Variants in ORC4 observed in about 807,000 individuals in gnomAD.
The protein encoded by ORC4 is origin recognition complex, subunit 4 homolog.
Under a neutral mutation model 63.9 loss-of-function variants are expected in ORC4, and 55 were observed. That is an observed-to-expected ratio of 0.86 (90% CI 0.69 to 1.08). The LOEUF (loss-of-function observed/expected upper bound fraction) is 1.08, where lower values mean the gene tolerates loss of function less well. Among genes scored for constraint, ORC4 ranks in the 50% least tolerant of loss-of-function variants. ORC4 has a pLI of 0.00. For missense variants in ORC4, 511 were observed against 504.4 expected (o/e 1.01, Z -0.13); for synonymous variants, 150 against 168.5 (o/e 0.89, Z 0.85).
rs1687923884 is a variant in ORC4 at position 147,934,206 on chromosome 2, TTAAA to T, written c.*1300_*1303del. ...CTACATCTCACAGGGCCTCTAATAGTTAAATAGATTGTAAGCTGCACAAGCATAG... is the reference window on the plus strand; with the variant it reads ...CTACATCTCACAGGGCCTCTAATAGTTAGATTGTAAGCTGCACAAGCATAG... On this transcript the variant is annotated 3_prime_UTR_variant, in exon 14 of 14. Transcript: ENST00000392857. The T allele has an allele frequency of 6.6e-6, 1 of 152,152 alleles. No individual in the cohort carries two copies. The highest frequency in any genetic ancestry group is 2.1e-4 in the South Asian group (1 of 4,832). The allele number at this position is 152,152 out of a possible 1,614,324, so 9.4% of individuals were successfully genotyped here.
At chr2:147,974,213 A>C (rs1007196001) in intron 2 of ORC4, among the ~76,000 whole-genome samples, 4 of 152,208 alleles carry the variant, frequency 2.6e-5, no homozygotes. Context: ...AGGAAGTTAA[A>C]GAGTAAGGAC....
intron 13 of ORC4, 27 bp from the exon 14 acceptor site, chr2:147,935,725 T>C (rs767636998): frequency 3.2e-6 from 5 of 1,586,650 alleles, no homozygotes; most frequent in Admixed American, 3.3e-5. Context: ...ATAGTTTAGG[T>C]TGAATAGGAG....
chr2:147,987,187 A>T (rs1269500207), intron 1 of ORC4, among the ~76,000 whole-genome samples: 1 of 65,820 alleles, frequency 1.5e-5, no homozygotes, highest in Non-Finnish European at 3.3e-5. Context: ...TGAGATCTTT[A>T]AAAAAAAAAA....
chr2:148,012,818 C>G (rs1693048843), intron 1 of ORC4, among the ~76,000 whole-genome samples: 1 of 151,914 alleles, frequency 6.6e-6, no homozygotes, highest in Non-Finnish European at 1.5e-5. Flanking sequence ...ATACAAATGG[C>G]AAACAGGCAT....
At chr2:147,971,349 G>A (rs1690199527) in intron 4 of ORC4, among the ~76,000 whole-genome samples, 1 of 151,320 alleles carries the variant, frequency 6.6e-6, no homozygotes, top group Non-Finnish European at 1.5e-5. Flanking sequence ...GAAAAGAAAA[G>A]CCACAGACTG....
rs2307396 is a variant in ORC4 at position 147,958,877 on chromosome 2, A to C, written c.226-11T>G. 3.1e-3 allele frequency: 3,220 copies of C among 1,051,596 alleles called. 72 individuals are homozygous for C. In the African/African-American group the frequency reaches 0.044, roughly 14 times the overall value. The allele number at this position is 1,051,596 out of a possible 1,614,324, so 65.1% of individuals were successfully genotyped here. Reference sequence around the variant, plus strand: ...AGCATGATTTATTAACTAAATATGAAAAGTTTATGAAATAATAATAGGTAA... The same window carrying C: ...AGCATGATTTATTAACTAAATATGACAAGTTTATGAAATAATAATAGGTAA... On this transcript the variant is annotated splice_polypyrimidine_tract_variant and intron_variant, in intron 4 of 13. Transcript: ENST00000392857.
chr2:148,015,898 G>A (rs1266205898), intron 1 of ORC4, among the ~76,000 whole-genome samples: 2 of 152,152 alleles, frequency 1.3e-5, no homozygotes, highest in Non-Finnish European at 2.9e-5. Flanking sequence ...AAAGATACCA[G>A]AGCCTTGAGG....
At chr2:148,021,479 T>C, upstream of ORC4, 1 of 576,758 alleles carries the variant, frequency 1.7e-6, no homozygotes, top group Middle Eastern at 4.2e-4. Flanking sequence ...CTGCTGCTGC[T>C]GTTGCTGCTG....
chr2:148,001,037 T>C (rs1177834012), intron 1 of ORC4, among the ~76,000 whole-genome samples: 4 of 152,110 alleles, frequency 2.6e-5, no homozygotes, highest in Non-Finnish European at 5.9e-5. Flanking sequence ...TTTAGAAGTA[T>C]TTCCCTCTAT....
rs1271836121 is a variant in ORC4, at chr2:147,931,033, A to C, written c.*4477T>G. 7.2e-6 allele frequency: 1 copy of C among 138,274 alleles called. No individual in the cohort carries two copies. The highest frequency in any genetic ancestry group is 7.2e-5 in the Admixed American group (1 of 13,848). 8.6% of individuals were successfully genotyped at this position (138,274 alleles called of 1,614,324 possible). A position where few individuals can be genotyped will look rare whatever the true frequency, so the allele number is the denominator to read the frequency against. ...CCCCCCACCCCACAACAGTCCCCAG[A>C]GTGTGATATTCCCCTTCCTGTGTCC... On this transcript the variant is annotated 3_prime_UTR_variant, in exon 14 of 14. Coordinates refer to ENST00000392857, the MANE Select transcript of ORC4 (RefSeq NM_181741.4).
At chr2:148,013,436 A>C (rs1428143396) in intron 1 of ORC4, among the ~76,000 whole-genome samples, 1 of 152,198 alleles carries the variant, frequency 6.6e-6, no homozygotes, top group African/African-American at 2.4e-5. Context: ...TAGTGTTGAG[A>C]GGAGAATCAA....
At chr2:147,965,299 T>A (rs1689836542) in intron 4 of ORC4, among the ~76,000 whole-genome samples, 1 of 151,788 alleles carries the variant, frequency 6.6e-6, no homozygotes, top group Non-Finnish European at 1.5e-5. Context: ...TCAATAATAA[T>A]CTTGAATATA....
At chr2:147,952,061 T>C (rs1688986382) in intron 8 of ORC4, among the ~76,000 whole-genome samples, 1 of 152,246 alleles carries the variant, frequency 6.6e-6, no homozygotes, top group Non-Finnish European at 1.5e-5. Context: ...TTACCAAGTT[T>C]TCTCAAATAT....
At position 147,937,283 on chromosome 2, in the gene ORC4, C is replaced by T. The variant is rs142768680; in HGVS notation, c.1122+863G>A. On this transcript the variant is annotated intron_variant, in intron 13 of 13. Coordinates refer to ENST00000392857, the MANE Select transcript of ORC4 (RefSeq NM_181741.4). ...CTTTCCTTAAAATCTTCAAGAGCTG[C>T]ACTGTCCACGCTAGGCTACTGAGCA... 8.5e-5 allele frequency among the ~76,000 whole-genome samples: 13 copies of T among 152,250 alleles called. No homozygotes were observed. The East Asian group carries it at 2.5e-3, about 29-fold the overall frequency.
chr2:147,965,207 T>C (rs1259441702), intron 4 of ORC4, among the ~76,000 whole-genome samples: 3 of 151,404 alleles, frequency 2.0e-5, no homozygotes, highest in Admixed American at 2.0e-4. Context: ...ACTGGAAAAA[T>C]AAATGAGAGG....
intron 1 of ORC4, among the ~76,000 whole-genome samples, chr2:148,000,215 G>A (rs899936593): frequency 1.3e-5 from 2 of 151,960 alleles, no homozygotes; most frequent in Non-Finnish European, 2.9e-5. Flanking sequence ...AGACTGAAAG[G>A]ACCCATAAAA....
At chr2:148,019,400 A>AC (rs1426335923) in intron 1 of ORC4, among the ~76,000 whole-genome samples, 1 of 152,048 alleles carries the variant, frequency 6.6e-6, no homozygotes, top group Non-Finnish European at 1.5e-5. Flanking sequence ...GACCAGCCTG[A>AC]CCAACATGGT....
Position 147,932,654 on chromosome 2 carries a change from T to C in ORC4, c.*2856A>G, listed in dbSNP as rs1420425573. 2 of 152,162 alleles carry C rather than the reference T, an allele frequency of 1.3e-5. No individual in the cohort carries two copies. Among genetic ancestry groups the C allele is most frequent in the East Asian group, 3.9e-4 (2 of 5,194 alleles). 9.4% of individuals were successfully genotyped at this position (152,162 alleles called of 1,614,324 possible). A position where few individuals can be genotyped will look rare whatever the true frequency, so the allele number is the denominator to read the frequency against. On this transcript the variant is annotated 3_prime_UTR_variant, in exon 14 of 14. Coordinates refer to ENST00000392857, the MANE Select transcript of ORC4 (RefSeq NM_181741.4). ...TCTATTATCGTCTAAACAGATTATA[T>C]TCCCACTAAAGTATGTGTGTTGGTC...
intron 1 of ORC4, among the ~76,000 whole-genome samples, chr2:148,002,087 A>G (rs7425436): frequency 0.33 from 50,176 of 152,002 alleles, 8,546 homozygotes; most frequent in East Asian, 0.52. Context: ...GCACCCAATA[A>G]GGGAGCACCC....
Sources: gnomAD v4.1 joint callset for allele counts (sites outside exome capture counted in the v4.1 genomes callset) on GRCh38, gnomAD v4.1.1 for gene constraint, MANE v1.5 for transcripts, NCBI Gene and HGNC (gene_info 2026-07-23, HGNC 2026-07-21) for gene names.